NSA2: variants seen among roughly 807,000 people sequenced by gnomAD.
NSA2 encodes the protein ribosome biogenesis protein NSA2 homolog.
Under a neutral mutation model 34.8 loss-of-function variants are expected in NSA2, and 18 were observed. The ratio of observed to expected loss-of-function variants is 0.52; its 90% CI spans 0.36 to 0.77. The LOEUF is 0.77. NSA2 is among the 30% of genes least tolerant of loss of function. The pLI, the probability that NSA2 is intolerant of heterozygous loss-of-function variation, is 0.00. For missense variants in NSA2, 188 were observed against 314.7 expected (o/e 0.60, Z 3.05); for synonymous variants, 79 against 100.2 (o/e 0.79, Z 1.26).
intron 5 of NSA2, among the ~76,000 whole-genome samples, chr5:74,775,130 C>T (rs868619841): frequency 5.9e-5 from 9 of 152,080 alleles, no homozygotes; most frequent in South Asian, 2.1e-4. Flanking sequence ...GCAGGAGAAT[C>T]GCTTGAACCT....
In NSA2 at chr5:74,779,600, G is replaced by T. The variant is rs1745309165; in HGVS notation, c.*2929G>T. On this transcript the variant is annotated 3_prime_UTR_variant, in exon 6 of 6. Transcript: ENST00000610426. ...TATAAAACAGCATAAATGTTTGGTA[G>T]ATTCACTAATAGTAGTCATACTTTT... 1 of 151,324 alleles carries T rather than the reference G, an allele frequency of 6.6e-6. No individual in the cohort carries two copies. Among genetic ancestry groups the T allele is most frequent in the Non-Finnish European group, 1.5e-5 (1 of 67,874 alleles). The allele number at this position is 151,324 out of a possible 1,614,324, so 9.4% of individuals were successfully genotyped here. A position where few individuals can be genotyped will look rare whatever the true frequency, so the allele number is the denominator to read the frequency against.
rs1265739445 is a variant in NSA2, at chr5:74,779,939, A to G, written c.*3268A>G. The G allele has an allele frequency of 1.3e-5, 2 of 152,222 alleles. No homozygotes were observed. The highest frequency in any genetic ancestry group is 2.9e-5 in the Non-Finnish European group (2 of 68,024). 9.4% of individuals were successfully genotyped at this position (152,222 alleles called of 1,614,324 possible). On this transcript the variant is annotated 3_prime_UTR_variant, in exon 6 of 6. Coordinates refer to ENST00000610426, the MANE Select transcript of NSA2 (RefSeq NM_014886.6). ...GACACAAAGTCTTAGTTTCTTTTGC[A>G]TAAGGATCAAGATCAAGCTATTTTT...
At chr5:74,776,101 A>G (rs1745108201) in intron 5 of NSA2, among the ~76,000 whole-genome samples, 1 of 152,222 alleles carries the variant, frequency 6.6e-6, no homozygotes. Context: ...ATTTGTATGA[A>G]AATTGTATTC....
intron 1 of NSA2, among the ~76,000 whole-genome samples, chr5:74,767,727 G>A (rs1203583469): frequency 1.3e-5 from 2 of 152,066 alleles, no homozygotes; most frequent in South Asian, 2.1e-4. Context: ...TGTCAGTCCC[G>A]CCCCCTTCAT....
At position 74,768,985 on chromosome 5, in the gene NSA2, T is replaced by A. The variant is rs1744821800; in HGVS notation, c.58T>A (p.Tyr20Asn). ...HRKRYGYRLD[Y>N]HEKKRKKESR... ...TAAACGCTATGGATACCGTTTGGAT[T>A]ACCATGAGAAAAAGAGAAAGAAGGA... Residue 20 changes from tyrosine to asparagine, a missense_variant, in exon 2 of 6, where the codon TAC becomes AAC. Physicochemically the swap from Tyr to Asn is moderately radical, Grantham distance 143. Coordinates refer to ENST00000610426, the MANE Select transcript of NSA2 (RefSeq NM_014886.6). 1 of 1,609,120 alleles carries A rather than the reference T, an allele frequency of 6.2e-7. No homozygotes were observed. The highest frequency in any genetic ancestry group is 8.5e-7 in the Non-Finnish European group (1 of 1,178,668).
chr5:74,774,872 A>G (rs572415376), intron 5 of NSA2, among the ~76,000 whole-genome samples: 13 of 152,320 alleles, frequency 8.5e-5, no homozygotes, highest in African/African-American at 3.1e-4. Context: ...TTAAGAGAAA[A>G]TACCTATTAC....
rs77972345 is a variant in NSA2 at position 74,772,645 on chromosome 5, G to T, written c.523-1223G>T. On this transcript the variant is annotated intron_variant, in intron 4 of 5. Transcript: ENST00000610426. ...CCACCCCGGATTATATCATGGACTC[G>T]ACTTGTTTTGGTTTCATATTCATAG... is the stretch of plus-strand genomic sequence containing the variant. Among the ~76,000 whole-genome samples, 188 of 152,210 alleles carry T rather than the reference G, an allele frequency of 1.2e-3. 1 individual carries two copies. The highest frequency in any genetic ancestry group is 4.2e-3 in the African/African-American group (175 of 41,532).
rs1745141951 is a variant in NSA2 at position 74,776,710 on chromosome 5, A to G, written c.*39A>G. ...TATAATTATTGAGGACTACACACCA[A>G]TTGAAGAAACTGCCATTACTGTGAT... On this transcript the variant is annotated 3_prime_UTR_variant, in exon 6 of 6. Coordinates refer to ENST00000610426, the MANE Select transcript of NSA2 (RefSeq NM_014886.6). 7.7e-6 allele frequency: 8 copies of G among 1,033,708 alleles called. No individual in the cohort carries two copies. Among genetic ancestry groups the G allele is most frequent in the South Asian group, 3.9e-5 (3 of 77,278 alleles). The allele number at this position is 1,033,708 out of a possible 1,614,324, so 64.0% of individuals were successfully genotyped here. A position where few individuals can be genotyped will look rare whatever the true frequency, so the allele number is the denominator to read the frequency against.
intron 1 of NSA2, among the ~76,000 whole-genome samples, chr5:74,768,298 G>A (rs182175776): frequency 6.6e-6 from 1 of 152,184 alleles, no homozygotes; most frequent in Admixed American, 6.5e-5. Flanking sequence ...AAGGATTGAA[G>A]TTCCTATACC....
rs200848258 is a variant in NSA2 at position 74,774,039 on chromosome 5, C to A, written c.694C>A (p.Gln232Lys). The A allele has an allele frequency of 1.1e-5, 17 of 1,613,530 alleles. No homozygotes were observed. The highest frequency in any genetic ancestry group is 1.4e-5 in the Non-Finnish European group (17 of 1,179,684). ...TGTGAGCGAATTGGGCCTTGTGACA[C>A]AAGGAGGCAAAGTTATTTGGGGTAA... ...VNVSELGLVT[Q>K]GGKVIWGKYA... Residue 232 changes from glutamine (Q) to lysine (K), a missense_variant, in exon 5 of 6, where the codon CAA (glutamine) becomes AAA (lysine). By Grantham distance (53) the Gln-to-Lys change is moderately conservative. Transcript: ENST00000610426.
At chr5:74,769,439 C>T (rs954991729) in intron 3 of NSA2, 75 bp downstream of exon 3, 28 of 1,242,638 alleles carry the variant, frequency 2.3e-5, no homozygotes, top group Middle Eastern at 4.0e-4. Context: ...TCTTGTTTCT[C>T]GGTTTAATTT....
rs1027193737 is a variant in NSA2, at chr5:74,778,518, T to C, written c.*1847T>C. ...ATGACTAGATGTTTTCCTTACCATC[T>C]ACACTGAATGGAAATACCATGAATA... On this transcript the variant is annotated 3_prime_UTR_variant, in exon 6 of 6. Coordinates refer to ENST00000610426, the MANE Select transcript of NSA2 (RefSeq NM_014886.6). The C allele has an allele frequency of 2.0e-5, 3 of 152,038 alleles. No homozygotes were observed. The highest frequency in any genetic ancestry group is 1.3e-4 in the Admixed American group (2 of 15,258). 9.4% of individuals were successfully genotyped at this position (152,038 alleles called of 1,614,324 possible).
At chr5:74,769,518 T>C (rs1040427348) in intron 3 of NSA2, 154 bp downstream of exon 3, 9 of 603,516 alleles carry the variant, frequency 1.5e-5, no homozygotes, top group African/African-American at 1.2e-4. Flanking sequence ...AATAAAAAAC[T>C]TGCTTTCTCA....
chr5:74,771,853 CAAA>C (rs11291606), intron 4 of NSA2, among the ~76,000 whole-genome samples: 13 of 76,560 alleles, frequency 1.7e-4, no homozygotes, highest in Non-Finnish European at 2.4e-4. Flanking sequence ...GATTCTGTCT[CAAA>C]AAAAAAAAAA....
At position 74,778,398 on chromosome 5, in the gene NSA2, G is replaced by A. The variant is rs1348835881; in HGVS notation, c.*1727G>A. On this transcript the variant is annotated 3_prime_UTR_variant, in exon 6 of 6. Coordinates refer to ENST00000610426, the MANE Select transcript of NSA2 (RefSeq NM_014886.6). The stretch of plus-strand genomic sequence containing the variant: ...GAGCAGATATTTAGATATTAGTACA[G>A]GCTCAATTTGATGCAATCATAAACC... The A allele has an allele frequency of 6.6e-6, 1 of 151,968 alleles. No individual in the cohort carries two copies. 9.4% of individuals were successfully genotyped at this position (151,968 alleles called of 1,614,324 possible).
chr5:74,774,432 C>T (rs5020673), intron 5 of NSA2, among the ~76,000 whole-genome samples: 54,086 of 151,430 alleles, frequency 0.36, 12,822 homozygotes, highest in African/African-American at 0.68. Context: ...CAAAACCCCA[C>T]CTCTACTAAA....
chr5:74,770,555 A>T, intron 3 of NSA2, 76 bp from the exon 4 acceptor site: 1 of 1,202,920 alleles, frequency 8.3e-7, no homozygotes, highest in Non-Finnish European at 1.2e-6. Context: ...ATTACTTTGT[A>T]CAACTAAAAC....
Position 74,770,507 on chromosome 5 carries a change from C to CA in NSA2, c.343-119dup, listed in dbSNP as rs934671577. On this transcript the variant is annotated intron_variant, in intron 3 of 5. Transcript: ENST00000610426. ...ACAGACCTCTAGAAGACGGTTGAGC[C>CA]AAAAATGTGTTGATGGTCAAGCAAA... 4.9e-5 allele frequency: 36 copies of CA among 732,156 alleles called. No homozygotes were observed. The African/African-American group carries it at 5.5e-4, about 11-fold the overall frequency. The allele number at this position is 732,156 out of a possible 1,614,324, so 45.4% of individuals were successfully genotyped here.
chr5:74,769,655 G>GC, intron 3 of NSA2: 1 of 227,318 alleles, frequency 4.4e-6, no homozygotes, highest in Non-Finnish European at 8.4e-6. Flanking sequence ...ACAGTGCTAT[G>GC]CAGTCATAAA....
Sources: allele counts gnomAD v4.1 joint callset (sites outside exome capture counted in the v4.1 genomes callset), GRCh38; gene constraint gnomAD v4.1.1; transcripts MANE v1.5; gene names NCBI Gene and HGNC (gene_info 2026-07-23, HGNC 2026-07-21).